Variants in HERC3 observed in about 807,000 individuals in gnomAD.
HERC3 encodes the protein HECT and RLD domain containing E3 ubiquitin protein ligase 3.
Under a neutral mutation model 129.9 loss-of-function variants are expected in HERC3, and 58 were observed. The ratio of observed to expected loss-of-function variants is 0.45; its 90% CI spans 0.36 to 0.56. The LOEUF (loss-of-function observed/expected upper bound fraction) is 0.56, where lower values mean the gene tolerates loss of function less well. Among genes scored for constraint, HERC3 ranks in the 20% least tolerant of loss-of-function variants. The pLI is 0.00. For synonymous variants in HERC3, 430 were observed against 451.0 expected (o/e 0.95, Z 0.59); for missense variants, 835 against 1,244.2 (o/e 0.67, Z 4.95).
the HERC3 span, among the ~76,000 whole-genome samples, chr4:88,584,143 G>C: frequency 5.9e-5 from 9 of 152,148 alleles, no homozygotes; most frequent in African/African-American, 2.2e-4. Flanking sequence ...GTTTCTTCTG[G>C]AAGCTCTGAG....
intron 3 of HERC3, among the ~76,000 whole-genome samples, chr4:88,609,266 G>C (rs925600072): frequency 1.3e-5 from 2 of 152,084 alleles, no homozygotes; most frequent in Admixed American, 1.3e-4. Flanking sequence ...CTGGGCAACA[G>C]AGCAAGACTC....
At position 88,654,133 on chromosome 4, in the gene HERC3, G is replaced by GGTA; in HGVS notation, c.777+1_777+3dup. The GGTA allele has an allele frequency of 6.2e-7, 1 of 1,608,348 alleles. No homozygotes were observed. The highest frequency in any genetic ancestry group is 8.5e-7 in the Non-Finnish European group (1 of 1,175,164). On this transcript the variant is annotated inframe_insertion and splice_region_variant. Transcript: ENST00000402738. ...AAGAACACACAGCAGTTCTCACAAA[G>GGTA]GTAAGGAGCTCAGAGTATTTTACTT... is the stretch of plus-strand genomic sequence containing the variant.
chr4:88,544,538 A>G, the HERC3 span, among the ~76,000 whole-genome samples: 1 of 152,238 alleles, frequency 6.6e-6, no homozygotes, highest in Non-Finnish European at 1.5e-5. Context: ...AGAAGTAGAA[A>G]TATCATTTGA....
chr4:88,607,929 T>G (rs1177518318), intron 3 of HERC3, among the ~76,000 whole-genome samples: 1 of 152,250 alleles, frequency 6.6e-6, no homozygotes, highest in East Asian at 1.9e-4. Flanking sequence ...CACACTAGCA[T>G]AGGTGTTTGC....
intron 18 of HERC3, among the ~76,000 whole-genome samples, chr4:88,677,625 T>C (rs1445597913): frequency 6.6e-6 from 1 of 152,220 alleles, no homozygotes; most frequent in Non-Finnish European, 1.5e-5. Flanking sequence ...TTTCTTTTCC[T>C]GCCATTTTGA....
At chr4:88,604,712 G>C (rs1723425237) in intron 2 of HERC3, among the ~76,000 whole-genome samples, 1 of 152,166 alleles carries the variant, frequency 6.6e-6, no homozygotes, top group Admixed American at 6.5e-5. Context: ...GTATAATGCT[G>C]TTGTGAACAT....
chr4:88,703,271 T>C (rs1425336480), intron 23 of HERC3, among the ~76,000 whole-genome samples: 1 of 152,074 alleles, frequency 6.6e-6, no homozygotes, highest in East Asian at 1.9e-4. Flanking sequence ...CTGTAAAGCT[T>C]TTCCACTCCT....
intron 19 of HERC3, among the ~76,000 whole-genome samples, chr4:88,678,458 A>G (rs151201633): frequency 1.7e-3 from 260 of 152,344 alleles, no homozygotes; most frequent in African/African-American, 6.0e-3. Flanking sequence ...TTAAGCTATC[A>G]TTTAGGAAGA....
chr4:88,591,463 T>C (rs931724838), upstream of HERC3, among the ~76,000 whole-genome samples: 11 of 152,334 alleles, frequency 7.2e-5, no homozygotes, highest in East Asian at 1.9e-3. Flanking sequence ...GTGATTTGAA[T>C]GTCCTTGGTA....
intron 3 of HERC3, among the ~76,000 whole-genome samples, chr4:88,618,488 T>C (rs764740422): frequency 1.3e-5 from 2 of 152,244 alleles, no homozygotes; most frequent in Non-Finnish European, 2.9e-5. Context: ...CATAAAGCCT[T>C]TGCTACTCTT....
rs1431027690 is a variant in HERC3 at position 88,602,067 on chromosome 4, A to C, written c.-29-3728A>C. Among the ~76,000 whole-genome samples, 5 of 149,036 alleles carry C rather than the reference A, an allele frequency of 3.4e-5. 2 individuals are homozygous for C. Among genetic ancestry groups the C allele is most frequent in the African/African-American group, 1.2e-4 (5 of 40,456 alleles). On this transcript the variant is annotated intron_variant, in intron 2 of 25. Transcript: ENST00000402738. ...CGAGACTCCGTCTCAAAAAAAAAAA[A>C]AAAAAAGAAAAGGATATTCAGAATT...
At position 88,706,962 on chromosome 4, in the gene HERC3, G is replaced by A. The variant is rs758751902; in HGVS notation, c.*2G>A. ...TATGAAGGGTTTAGTTTGGCCTGAG[G>A]CTTCTCAGCTTGTCCAGTATTTCCC... is the stretch of plus-strand genomic sequence containing the variant. On this transcript the variant is annotated 3_prime_UTR_variant, in exon 26 of 26. Coordinates refer to ENST00000402738, the MANE Select transcript of HERC3 (RefSeq NM_014606.3). The A allele has an allele frequency of 1.2e-5, 20 of 1,611,496 alleles. No individual in the cohort carries two copies. Among genetic ancestry groups the A allele is most frequent in the Non-Finnish European group, 1.7e-5 (20 of 1,177,702 alleles).
At chr4:88,673,231 A>G (rs1235926168) in intron 16 of HERC3, among the ~76,000 whole-genome samples, 2 of 152,222 alleles carry the variant, frequency 1.3e-5, no homozygotes, top group Non-Finnish European at 2.9e-5. Flanking sequence ...GCAGCCAGGC[A>G]GTGTTTTGTC....
chr4:88,648,254 G>T (rs1461678986), intron 3 of HERC3, among the ~76,000 whole-genome samples: 1 of 152,026 alleles, frequency 6.6e-6, no homozygotes, highest in Non-Finnish European at 1.5e-5. Flanking sequence ...TTGTAGGCAT[G>T]CTACATAGCT....
chr4:88,584,600 G>A, the HERC3 span, among the ~76,000 whole-genome samples: 2 of 152,160 alleles, frequency 1.3e-5, no homozygotes, highest in Non-Finnish European at 2.9e-5. Flanking sequence ...GGGGATTAAG[G>A]CCATTTAAAA....
chr4:88,706,747 C>T lies in HERC3; in HGVS notation c.2945-5C>T. ...GCTGCTAATGCCATTTCTCGTTCTC[C>T]CCAGTGTTCCTGACAGGCAGCGATC... On this transcript the variant is annotated splice_region_variant and splice_polypyrimidine_tract_variant and intron_variant, in intron 25 of 25. Coordinates refer to ENST00000402738, the MANE Select transcript of HERC3 (RefSeq NM_014606.3). 1 of 1,613,692 alleles carries T rather than the reference C, an allele frequency of 6.2e-7. No individual in the cohort carries two copies. Among genetic ancestry groups the T allele is most frequent in the Non-Finnish European group, 8.5e-7 (1 of 1,179,640 alleles).
Position 88,658,441 on chromosome 4 carries a change from C to A in HERC3, c.1096C>A (p.Gln366Lys). Reference protein sequence around the residue: ...ADRFKYHIVKQIFSGGDQTFV... With the variant: ...ADRFKYHIVKKIFSGGDQTFV... The stretch of plus-strand genomic sequence containing the variant: ...TCGCTTTAAATATCATATCGTTAAG[C>A]AGATCTTCTCTGGAGGAGACCAGAC... Residue 366 changes from glutamine to lysine, a missense_variant, in exon 10 of 26, where the codon CAG becomes AAG. Gln to Lys is a moderately conservative substitution (Grantham distance 53). Transcript: ENST00000402738. 1 of 1,601,684 alleles carries A rather than the reference C, an allele frequency of 6.2e-7. No homozygotes were observed. Among genetic ancestry groups the A allele is most frequent in the Non-Finnish European group, 8.5e-7 (1 of 1,173,188 alleles).
chr4:88,633,816 G>T (rs1391726679), intron 3 of HERC3, among the ~76,000 whole-genome samples: 1 of 152,084 alleles, frequency 6.6e-6, no homozygotes, highest in Non-Finnish European at 1.5e-5. Context: ...AAAAGTAAAA[G>T]AATACAAAAC....
chr4:88,614,695 G>T (rs978206276), intron 3 of HERC3, among the ~76,000 whole-genome samples: 2 of 152,110 alleles, frequency 1.3e-5, no homozygotes, highest in South Asian at 4.1e-4. Context: ...TTTGCCTCTT[G>T]TTCTTTGTTT....
Sources: allele counts gnomAD v4.1 joint callset (sites outside exome capture counted in the v4.1 genomes callset), GRCh38; gene constraint gnomAD v4.1.1; transcripts MANE v1.5; gene names NCBI Gene and HGNC (gene_info 2026-07-23, HGNC 2026-07-21).